The following USP12 variants were observed in gnomAD, a reference collection of about 807,000 sequenced individuals.
USP12 encodes ubiquitin specific peptidase 12, also known as ubiquitin carboxyl-terminal hydrolase 12.
Under a neutral mutation model 45.5 loss-of-function variants are expected in USP12, and 19 were observed. That is an observed-to-expected ratio of 0.42 (90% CI 0.29 to 0.61). The LOEUF is 0.61. Among genes scored for constraint, USP12 ranks in the 20% least tolerant of loss-of-function variants. USP12 has a pLI of 0.22. For missense variants in USP12, 242 were observed against 447.7 expected, an observed-to-expected ratio of 0.54 and a Z score of 4.15; for synonymous variants, 149 against 148.8, an observed-to-expected ratio of 1.00 and a Z score of -0.01.
At chr13:27,075,727 G>T (rs534792863) in intron 6 of USP12, among the ~76,000 whole-genome samples, 1 of 152,062 alleles carries the variant, frequency 6.6e-6, no homozygotes, top group Non-Finnish European at 1.5e-5. Flanking sequence ...TGCACGGGGT[G>T]CTCAAGAGTG....
intron 8 of USP12, among the ~76,000 whole-genome samples, chr13:27,069,938 T>TCC (rs1457652017): frequency 6.6e-6 from 1 of 151,926 alleles, no homozygotes; most frequent in Non-Finnish European, 1.5e-5. Flanking sequence ...CAAGACTGTC[T>TCC]CCCAAAACAA....
chr13:27,076,808 G>C (rs972353403), intron 6 of USP12, among the ~76,000 whole-genome samples: 1 of 152,046 alleles, frequency 6.6e-6, no homozygotes, highest in Non-Finnish European at 1.5e-5. Flanking sequence ...TAAATATGGT[G>C]GATAGCTTAT....
chr13:27,117,632 A>G, intron 1 of USP12: 1 of 351,868 alleles, frequency 2.8e-6, no homozygotes, highest in South Asian at 2.2e-5. Flanking sequence ...TGTGTGTTTA[A>G]TAGCACACGG....
At chr13:27,099,650 CCT>C (rs1874772451) in intron 3 of USP12, among the ~76,000 whole-genome samples, 1 of 151,252 alleles carries the variant, frequency 6.6e-6, no homozygotes, top group African/African-American at 2.4e-5. Flanking sequence ...AGGAATTTTC[CCT>C]GATATCTCTT....
At position 27,124,309 on chromosome 13, in the gene USP12, T is replaced by TA. The variant is rs141099877; in HGVS notation, c.49-7714dup. Reference sequence around the variant, plus strand: ...TCTACATCTAAAACCAGATTATGGCTAAAAAATGGTGTCTATGAGGATATG... The same window carrying TA: ...TCTACATCTAAAACCAGATTATGGCTAAAAAAATGGTGTCTATGAGGATATG... On this transcript the variant is annotated intron_variant, in intron 1 of 8. Transcript: ENST00000282344. Among the ~76,000 whole-genome samples, 54 of 152,322 alleles carry TA rather than the reference T, an allele frequency of 3.5e-4. No individual in the cohort carries two copies. In the East Asian group the frequency reaches 0.01, roughly 28 times the overall value.
Position 27,083,934 on chromosome 13 carries a change from G to A in USP12, c.734+5949C>T, listed in dbSNP as rs1011858108. On this transcript the variant is annotated intron_variant, in intron 6 of 8. Coordinates refer to ENST00000282344, the MANE Select transcript of USP12 (RefSeq NM_182488.4). The stretch of plus-strand genomic sequence containing the variant: ...GGCTGGAGTGCAATGGCGCAATCTC[G>A]GCTCACTGCAACCTCTGCCTCCCAG... Among the ~76,000 whole-genome samples the A allele has an allele frequency of 3.3e-5, 5 of 150,468 alleles. No homozygotes were observed. In the East Asian group the frequency reaches 5.9e-4, roughly 18 times the overall value.
chr13:27,113,708 C>T (rs1347695227), intron 2 of USP12, among the ~76,000 whole-genome samples: 1 of 152,164 alleles, frequency 6.6e-6, no homozygotes, highest in East Asian at 1.9e-4. Flanking sequence ...CAGGGCTGGA[C>T]GCTTGGTACA....
At chr13:27,123,486 G>C (rs148995159) in intron 1 of USP12, among the ~76,000 whole-genome samples, 14 of 152,224 alleles carry the variant, frequency 9.2e-5, no homozygotes, top group African/African-American at 3.4e-4. Flanking sequence ...CTAAGAATTT[G>C]TAGGCTGATA....
In USP12 at chr13:27,095,817, G is replaced by A; in HGVS notation, c.357C>T (p.Asn119=). ...RLRKENELFD[N]YMQQDAHEFL... ...ATTCATGGGCATCTTGTTGCATGTA[G>A]TTGTCAAAAAGCTCTGAAAATAAAA... Residue 119 remains asparagine (N), a synonymous_variant, in exon 4 of 9, where the codon AAC becomes AAT. Transcript: ENST00000282344. 1 of 1,594,370 alleles carries A rather than the reference G, an allele frequency of 6.3e-7. No individual in the cohort carries two copies. The highest frequency in any genetic ancestry group is 2.2e-5 in the East Asian group (1 of 44,524).
chr13:27,106,382 C>G (rs1304834826), intron 2 of USP12, among the ~76,000 whole-genome samples: 3 of 128,006 alleles, frequency 2.3e-5, no homozygotes, highest in African/African-American at 9.0e-5. Flanking sequence ...CCTCTCCACT[C>G]TAGTAATTGG....
intron 3 of USP12, among the ~76,000 whole-genome samples, chr13:27,100,189 C>T (rs1874802490): frequency 6.6e-6 from 1 of 152,208 alleles, no homozygotes; most frequent in South Asian, 2.1e-4. Flanking sequence ...AGCAAATTAT[C>T]TAACCTTGCC....
intron 1 of USP12, among the ~76,000 whole-genome samples, chr13:27,153,598 T>G (rs1370562207): frequency 6.6e-6 from 1 of 152,188 alleles, no homozygotes; most frequent in Non-Finnish European, 1.5e-5. Context: ...TACTTGAGAA[T>G]GAAATGTTCA....
In USP12 at chr13:27,158,727, C is replaced by T. The variant is rs565293449; in HGVS notation, c.48+12865G>A. Among the ~76,000 whole-genome samples the T allele has an allele frequency of 3.1e-3, 470 of 152,256 alleles. 3 individuals are homozygous for T. The highest frequency in any genetic ancestry group is 0.011 in the African/African-American group (452 of 41,544). ...CACAGTTTCTGGCACTTTGTTATGGCAGCCCTAGGAAACTAATAAAATTAT... is the reference window on the plus strand; with the variant it reads ...CACAGTTTCTGGCACTTTGTTATGGTAGCCCTAGGAAACTAATAAAATTAT... On this transcript the variant is annotated intron_variant, in intron 1 of 8. Transcript: ENST00000282344.
intron 3 of USP12, among the ~76,000 whole-genome samples, chr13:27,097,416 G>A (rs1874641578): frequency 6.6e-6 from 1 of 152,230 alleles, no homozygotes; most frequent in Non-Finnish European, 1.5e-5. Context: ...AGTGAGCCGA[G>A]ATTGCGCCAT....
intron 4 of USP12, among the ~76,000 whole-genome samples, chr13:27,093,309 G>GA (rs61614819): frequency 0.87 from 128,261 of 147,836 alleles, 56,445 homozygotes; most frequent in East Asian, 0.99. Flanking sequence ...AATTATACCC[G>GA]AAAAAAAAAA....
chr13:27,113,152 T>C (rs1875544001), intron 2 of USP12, among the ~76,000 whole-genome samples: 1 of 152,000 alleles, frequency 6.6e-6, no homozygotes, highest in Admixed American at 6.6e-5. Flanking sequence ...GGAGGACGGC[T>C]TGAGCCAAGA....
intron 1 of USP12, among the ~76,000 whole-genome samples, chr13:27,152,062 A>T (rs578036276): frequency 1.1e-4 from 17 of 152,326 alleles, no homozygotes; most frequent in African/African-American, 4.1e-4. Context: ...GCAGGAACAT[A>T]AAATGGTCCA....
At chr13:27,155,112 C>T (rs1429755490) in intron 1 of USP12, among the ~76,000 whole-genome samples, 3 of 125,176 alleles carry the variant, frequency 2.4e-5, no homozygotes, top group African/African-American at 6.3e-5. Context: ...GACGGAACCT[C>T]GCTCTGTCAC....
intron 4 of USP12, among the ~76,000 whole-genome samples, chr13:27,094,396 A>G (rs911145696): frequency 6.6e-6 from 1 of 152,058 alleles, no homozygotes; most frequent in African/African-American, 2.4e-5. Context: ...AGTTACTCAG[A>G]AGGCTGAGGC....
Sources: gnomAD v4.1 joint callset for allele counts (sites outside exome capture counted in the v4.1 genomes callset) on GRCh38, gnomAD v4.1.1 for gene constraint, MANE v1.5 for transcripts, NCBI Gene and HGNC (gene_info 2026-07-23, HGNC 2026-07-21) for gene names.